The following RPS6KC1 variants were observed in gnomAD, a reference collection of about 807,000 sequenced individuals.
The protein encoded by RPS6KC1 is inactive ribosomal protein S6 kinase delta-1.
Under a neutral mutation model 103.8 loss-of-function variants are expected in RPS6KC1, and 54 were observed. The ratio of observed to expected loss-of-function variants is 0.52; its 90% CI spans 0.42 to 0.65. The LOEUF is 0.65. Ranked by LOEUF, RPS6KC1 falls within the 30% of genes least tolerant of loss-of-function variation. RPS6KC1 has a pLI of 0.00. For missense variants in RPS6KC1, 1,151 were observed against 1,253.8 expected (o/e 0.92, Z 1.24); for synonymous variants, 439 against 438.7 (o/e 1.00, Z -0.01).
chr1:213,706,052 G>A, the RPS6KC1 span, among the ~76,000 whole-genome samples: 1 of 152,164 alleles, frequency 6.6e-6, no homozygotes, highest in Non-Finnish European at 1.5e-5. Flanking sequence ...ACCTGGGGTT[G>A]GGGGAAGAAT....
intron 8 of RPS6KC1, among the ~76,000 whole-genome samples, chr1:213,202,846 G>T (rs1475605932): frequency 6.6e-6 from 1 of 152,060 alleles, no homozygotes; most frequent in Non-Finnish European, 1.5e-5. Flanking sequence ...AATTAAAAAT[G>T]GGAAACATAT....
the RPS6KC1 span, among the ~76,000 whole-genome samples, chr1:213,410,920 G>C: frequency 1.3e-5 from 2 of 152,116 alleles, no homozygotes; most frequent in African/African-American, 4.8e-5. Context: ...GAAAAGATGA[G>C]ATGAGGGTTG....
At chr1:213,255,413 C>G (rs1019804839) in intron 12 of RPS6KC1, among the ~76,000 whole-genome samples, 6 of 151,842 alleles carry the variant, frequency 4.0e-5, no homozygotes, top group Admixed American at 1.3e-4. Flanking sequence ...GGGGATTTCT[C>G]AAATTCACTG....
At chr1:213,058,403 T>C (rs1386799176) in intron 1 of RPS6KC1, among the ~76,000 whole-genome samples, 1 of 152,108 alleles carries the variant, frequency 6.6e-6, no homozygotes, top group African/African-American at 2.4e-5. Context: ...TTCTTTGCAT[T>C]TTATATTTTG....
the RPS6KC1 span, among the ~76,000 whole-genome samples, chr1:213,462,642 A>T: frequency 9.2e-5 from 14 of 152,360 alleles, no homozygotes; most frequent in East Asian, 2.7e-3. Context: ...TTCTCAGCAA[A>T]CTAACACAGG....
chr1:213,830,424 A>G, the RPS6KC1 span, among the ~76,000 whole-genome samples: 1 of 152,136 alleles, frequency 6.6e-6, no homozygotes, highest in Non-Finnish European at 1.5e-5. Context: ...AATATCTGCC[A>G]TTTAAGGAGC....
chr1:213,380,802 G>A, the RPS6KC1 span, among the ~76,000 whole-genome samples: 8 of 152,114 alleles, frequency 5.3e-5, no homozygotes, highest in East Asian at 1.2e-3. Context: ...CAGTATTTCC[G>A]CCATCCGCAG....
chr1:213,725,946 A>G, the RPS6KC1 span, among the ~76,000 whole-genome samples: 1 of 152,096 alleles, frequency 6.6e-6, no homozygotes, highest in Non-Finnish European at 1.5e-5. Flanking sequence ...TTTAATTTTA[A>G]ATTGGAACGG....
chr1:213,368,531 G>C, the RPS6KC1 span, among the ~76,000 whole-genome samples: 1 of 152,192 alleles, frequency 6.6e-6, no homozygotes, highest in Non-Finnish European at 1.5e-5. Context: ...AGATGGGAAG[G>C]CAGATATTTA....
chr1:213,352,246 T>C, the RPS6KC1 span, among the ~76,000 whole-genome samples: 3 of 152,158 alleles, frequency 2.0e-5, no homozygotes, highest in Non-Finnish European at 4.4e-5. Flanking sequence ...ATGGAAGTGG[T>C]GTAAAAGGTG....
At chr1:213,078,716 C>G (rs2079580331) in intron 3 of RPS6KC1, among the ~76,000 whole-genome samples, 1 of 152,142 alleles carries the variant, frequency 6.6e-6, no homozygotes, top group South Asian at 2.1e-4. Flanking sequence ...ACATTTTATC[C>G]TATTACTTTT....
the RPS6KC1 span, among the ~76,000 whole-genome samples, chr1:213,286,452 G>C: frequency 1.3e-5 from 2 of 152,136 alleles, no homozygotes; most frequent in Non-Finnish European, 2.9e-5. Context: ...CCACAGGTGG[G>C]ACAATTTGAC....
intron 14 of RPS6KC1, among the ~76,000 whole-genome samples, chr1:213,268,660 CAT>C (rs1309310547): frequency 6.7e-6 from 1 of 149,336 alleles, no homozygotes; most frequent in Non-Finnish European, 1.5e-5. Context: ...TTGGGATTAA[CAT>C]ATATAGAAGC....
chr1:213,312,256 G>GA, the RPS6KC1 span, among the ~76,000 whole-genome samples: 1 of 151,924 alleles, frequency 6.6e-6, no homozygotes, highest in African/African-American at 2.4e-5. Context: ...AGTGCAGGGG[G>GA]GGCAACTGCA....
the RPS6KC1 span, among the ~76,000 whole-genome samples, chr1:213,470,684 A>G: frequency 6.9e-6 from 1 of 144,884 alleles, no homozygotes; most frequent in African/African-American, 2.6e-5. Context: ...CAGTGACACA[A>G]TCGTAGAATG....
intron 12 of RPS6KC1, among the ~76,000 whole-genome samples, chr1:213,249,880 C>T (rs1346819693): frequency 1.3e-5 from 2 of 152,066 alleles, no homozygotes; most frequent in South Asian, 2.1e-4. Context: ...TCTGGAGTGC[C>T]GAATCAAGTG....
chr1:213,084,013 A>G (rs1218060753), intron 3 of RPS6KC1, among the ~76,000 whole-genome samples: 1 of 152,156 alleles, frequency 6.6e-6, no homozygotes, highest in Non-Finnish European at 1.5e-5. Flanking sequence ...ACTTACAGAA[A>G]GTTGCAAGAA....
the RPS6KC1 span, among the ~76,000 whole-genome samples, chr1:213,669,141 G>C: frequency 6.6e-6 from 1 of 152,168 alleles, no homozygotes; most frequent in East Asian, 1.9e-4. Flanking sequence ...TTCACAACTT[G>C]GCTCTTTGGC....
chr1:213,137,980 C>T (rs1258226628), intron 6 of RPS6KC1, among the ~76,000 whole-genome samples: 4 of 150,570 alleles, frequency 2.7e-5, no homozygotes, highest in Non-Finnish European at 4.4e-5. Flanking sequence ...TCTTTGTTTC[C>T]TAGTGGTGCT....
Sources: allele counts gnomAD v4.1 joint callset (sites outside exome capture counted in the v4.1 genomes callset), GRCh38; gene constraint gnomAD v4.1.1; transcripts MANE v1.5; gene names NCBI Gene and HGNC (gene_info 2026-07-23, HGNC 2026-07-21).